The following ZFYVE16 variants were observed in gnomAD, a reference collection of about 807,000 sequenced individuals.
ZFYVE16 encodes zinc finger FYVE-type containing 16.
Under a neutral mutation model 138.1 loss-of-function variants are expected in ZFYVE16, and 89 were observed. The ratio of observed to expected loss-of-function variants is 0.64; its 90% CI spans 0.54 to 0.77. The LOEUF is 0.77. Among genes scored for constraint, ZFYVE16 ranks in the 30% least tolerant of loss-of-function variants. ZFYVE16 has a pLI of 0.00. For missense variants in ZFYVE16, 1,793 were observed against 1,786.7 expected (o/e 1.00, Z -0.06); for synonymous variants, 596 against 618.3 (o/e 0.96, Z 0.53).
chr5:80,446,282 C>A (rs1440729526), intron 7 of ZFYVE16, among the ~76,000 whole-genome samples: 1 of 151,992 alleles, frequency 6.6e-6, no homozygotes, highest in Non-Finnish European at 1.5e-5. Flanking sequence ...TTATTGAGAA[C>A]CCTAAAGTGC....
chr5:80,460,980 A>G (rs191539454), intron 15 of ZFYVE16, among the ~76,000 whole-genome samples: 2 of 152,324 alleles, frequency 1.3e-5, no homozygotes, highest in East Asian at 3.9e-4. Context: ...TTTTTACTAT[A>G]TCATTTCATT....
Position 80,438,666 on chromosome 5 carries a change from A to G in ZFYVE16, c.1981A>G (p.Ser661Gly). 6.2e-7 allele frequency: 1 copy of G among 1,614,118 alleles called. No homozygotes were observed. Among genetic ancestry groups the G allele is most frequent in the South Asian group, 1.1e-5 (1 of 91,084 alleles). Reference protein sequence around the residue: ...QLFSLPSRTRSSKDLNKPDVP... With the variant: ...QLFSLPSRTRGSKDLNKPDVP... ...GTTTAGCCTTCCATCAAGAACAAGGAGTTCAAAGGACCTGAATAAGCCAGA... is the reference window on the plus strand; with the variant it reads ...GTTTAGCCTTCCATCAAGAACAAGGGGTTCAAAGGACCTGAATAAGCCAGA... The change falls in exon 4 of 19, where the codon AGT becomes GGT. Residue 661 changes from serine (S) to glycine (G), a missense_variant. This residue lies in a region of ZFYVE16 where 1,295 missense variants were observed against 1,204.3 expected (regional missense o/e 1.08). Coordinates refer to ENST00000505560, the MANE Select transcript of ZFYVE16 (RefSeq NM_001284236.3).
chr5:80,432,456 A>C (rs1030229717), intron 2 of ZFYVE16, among the ~76,000 whole-genome samples: 26 of 152,298 alleles, frequency 1.7e-4, no homozygotes, highest in Middle Eastern at 3.4e-3. Context: ...TAAAGACTTA[A>C]ATGTTAGACC....
chr5:80,441,680 A>T, intron 5 of ZFYVE16: 4 of 866,882 alleles, frequency 4.6e-6, no homozygotes, highest in Non-Finnish European at 5.2e-6. Context: ...GTTTCAAGGA[A>T]GCACACGTGA....
intron 1 of ZFYVE16, among the ~76,000 whole-genome samples, chr5:80,417,522 C>T (rs1398577300): frequency 6.6e-6 from 1 of 152,182 alleles, no homozygotes; most frequent in East Asian, 1.9e-4. Context: ...CACTGGCTAT[C>T]ATTGGTGTTT....
chr5:80,482,956 C>G lies in ZFYVE16; in HGVS notation c.*5579C>G, dbSNP rs894410991. 6.6e-6 allele frequency: 1 copy of G among 152,022 alleles called. No homozygotes were observed. Among genetic ancestry groups the G allele is most frequent in the Non-Finnish European group, 1.5e-5 (1 of 68,080 alleles). The allele number at this position is 152,022 out of a possible 1,614,324, so 9.4% of individuals were successfully genotyped here. On this transcript the variant is annotated 3_prime_UTR_variant, in exon 19 of 19. Coordinates refer to ENST00000505560, the MANE Select transcript of ZFYVE16 (RefSeq NM_001284236.3). ...TCTCAGCTCACTGCAACCTCCGCCT[C>G]CCGGTTCAAGCAGTTCTCCTGTCTG...
At chr5:80,454,457 C>A (rs1752299499) in intron 11 of ZFYVE16, 1 of 151,736 alleles carries the variant, frequency 6.6e-6, no homozygotes, top group Admixed American at 6.6e-5. Context: ...TGGCCGACCT[C>A]ATGTCCCTTC....
intron 17 of ZFYVE16, 63 bp downstream of exon 17, chr5:80,473,922 T>C: frequency 8.2e-7 from 1 of 1,212,544 alleles, no homozygotes; most frequent in Non-Finnish European, 1.2e-6. Context: ...TCTTTGGAGA[T>C]TGTGCATACT....
intron 15 of ZFYVE16, among the ~76,000 whole-genome samples, chr5:80,463,101 G>A (rs1753306652): frequency 6.6e-6 from 1 of 152,210 alleles, no homozygotes; most frequent in South Asian, 2.1e-4. Flanking sequence ...TCTGGGGTCT[G>A]GAGGATGGTG....
chr5:80,408,072 G>C lies in ZFYVE16; in HGVS notation c.-175G>C, dbSNP rs1325989376. On this transcript the variant is annotated 5_prime_UTR_variant, in exon 1 of 19. Transcript: ENST00000505560. ...CTGAGCCGGGATCTGGCACTCCCAG[G>C]ACTCCCGGCCGGGGTAGCTCTTCAC... 1 of 152,264 alleles carries C rather than the reference G, an allele frequency of 6.6e-6. No individual in the cohort carries two copies. Among genetic ancestry groups the C allele is most frequent in the Admixed American group, 6.5e-5 (1 of 15,292 alleles). 9.4% of individuals were successfully genotyped at this position (152,264 alleles called of 1,614,324 possible). A position where few individuals can be genotyped will look rare whatever the true frequency, so the allele number is the denominator to read the frequency against.
At chr5:80,435,207 G>A (rs771354160) in intron 3 of ZFYVE16, among the ~76,000 whole-genome samples, 3 of 152,118 alleles carry the variant, frequency 2.0e-5, no homozygotes, top group Non-Finnish European at 4.4e-5. Context: ...GCTAATTTTT[G>A]TATTTTTAGT....
At position 80,438,748 on chromosome 5, in the gene ZFYVE16, C is replaced by T. The variant is rs1478046297; in HGVS notation, c.2063C>T (p.Thr688Ile). Residue 688 changes from threonine (T) to isoleucine (I), a missense_variant, in exon 4 of 19, where the codon ACT becomes ATT. Physicochemically the swap from Thr to Ile is moderately conservative, Grantham distance 89. Around this residue, in one of 2 missense-constraint regions of ZFYVE16, gnomAD observed 1,295 missense variants for 1,204.3 expected, o/e 1.08. Transcript: ENST00000505560. ...ACAGCAGATACCGTTGTTCCAATCA[C>T]TTGTGCTATAGATTCTACAGCTGAT... The part of the protein sequence containing the change: ...PSTADTVVPI[T>I]CAIDSTADPQ... The T allele has an allele frequency of 6.2e-7, 1 of 1,614,118 alleles. No individual in the cohort carries two copies.
At position 80,437,160 on chromosome 5, in the gene ZFYVE16, G is replaced by C. The variant is rs1418181680; in HGVS notation, c.475G>C (p.Asp159His). 1.1e-5 allele frequency: 17 copies of C among 1,613,898 alleles called. No homozygotes were observed. The highest frequency in any genetic ancestry group is 1.4e-5 in the Non-Finnish European group (16 of 1,179,962). ...LLPDDFKSNA[D>H]SLIGLDLSSV... ...GCCAGATGATTTTAAGTCTAATGCA[G>C]ATTCCTTGATTGGATTGGATTTATC... Residue 159 changes from aspartate to histidine, a missense_variant, in exon 4 of 19, where the codon GAT (aspartate) becomes CAT (histidine). Asp to His is a moderately conservative substitution (Grantham distance 81). This residue lies in a region of ZFYVE16 where 1,295 missense variants were observed against 1,204.3 expected (regional missense o/e 1.08). Coordinates refer to ENST00000505560, the MANE Select transcript of ZFYVE16 (RefSeq NM_001284236.3).
intron 15 of ZFYVE16, among the ~76,000 whole-genome samples, chr5:80,462,949 T>G (rs1753290501): frequency 6.6e-6 from 1 of 152,242 alleles, no homozygotes; most frequent in Non-Finnish European, 1.5e-5. Context: ...GTCATGCTGA[T>G]GTAAAAGGTG....
intron 5 of ZFYVE16, chr5:80,441,890 A>G: frequency 1.0e-6 from 1 of 985,326 alleles, no homozygotes; most frequent in Non-Finnish European, 1.2e-6. Flanking sequence ...AGTGTTCCTT[A>G]TTTTTTGGAT....
In ZFYVE16 at chr5:80,436,974, G is replaced by T. The variant is rs1017697428; in HGVS notation, c.289G>T (p.Val97Leu). The change falls in exon 4 of 19, where the codon GTA becomes TTA. Residue 97 changes from valine to leucine, a missense_variant. Physicochemically the swap from Val to Leu is conservative, Grantham distance 32 (BLOSUM62 1). Coordinates refer to ENST00000505560, the MANE Select transcript of ZFYVE16 (RefSeq NM_001284236.3). Reference sequence around the variant, plus strand: ...TACTTCTATACAAAATGAAAAAAATGTAACAGGACTTGATCTTCTTTCTTC... The same window carrying T: ...TACTTCTATACAAAATGAAAAAAATTTAACAGGACTTGATCTTCTTTCTTC... Reference protein sequence around the residue: ...GLTSIQNEKNVTGLDLLSSVD... With the variant: ...GLTSIQNEKNLTGLDLLSSVD... 1 of 1,614,014 alleles carries T rather than the reference G, an allele frequency of 6.2e-7. No homozygotes were observed. Among genetic ancestry groups the T allele is most frequent in the African/African-American group, 1.3e-5 (1 of 74,934 alleles).
chr5:80,456,198 C>T (rs1354029918), intron 12 of ZFYVE16: 3 of 329,408 alleles, frequency 9.1e-6, no homozygotes, highest in Admixed American at 9.9e-5. Context: ...TCCCTTCCAC[C>T]TATACTTTTT....
At chr5:80,453,484 G>A (rs1041773716) in intron 11 of ZFYVE16, among the ~76,000 whole-genome samples, 3 of 152,148 alleles carry the variant, frequency 2.0e-5, no homozygotes. Context: ...TCACACTGAA[G>A]GTTGGAGAAT....
chr5:80,471,948 G>A (rs943810783), intron 15 of ZFYVE16, among the ~76,000 whole-genome samples: 5 of 152,056 alleles, frequency 3.3e-5, no homozygotes, highest in East Asian at 1.9e-4. Context: ...TAAGGGCTTC[G>A]TTTTGGCTTT....
Sources: allele counts gnomAD v4.1 joint callset (sites outside exome capture counted in the v4.1 genomes callset), GRCh38; gene constraint gnomAD v4.1.1; regional missense constraint gnomAD v4.1.1; transcripts MANE v1.5; gene names NCBI Gene and HGNC (gene_info 2026-07-23, HGNC 2026-07-21).